The following TAF1B variants were observed in gnomAD, a reference collection of about 807,000 sequenced individuals.
TAF1B encodes TATA box-binding protein-associated factor RNA polymerase I subunit B.
TAF1B carries 61 observed loss-of-function variants against 83.9 expected under a neutral mutation model. The observed-to-expected ratio is 0.73, with a 90% CI of 0.59 to 0.90. The LOEUF (loss-of-function observed/expected upper bound fraction) is 0.90. TAF1B is among the 40% of genes least tolerant of loss of function. TAF1B has a pLI of 0.00. For missense variants in TAF1B, 625 were observed against 677.0 expected, an observed-to-expected ratio of 0.92 and a Z score of 0.85; for synonymous variants, 221 against 224.6, an observed-to-expected ratio of 0.98 and a Z score of 0.14.
intron 5 of TAF1B, among the ~76,000 whole-genome samples, chr2:9,857,046 TAAC>T (rs1305996158): frequency 2.6e-5 from 4 of 152,144 alleles, no homozygotes; most frequent in Non-Finnish European, 5.9e-5. Flanking sequence ...AGAAGCAAAT[TAAC>T]AAGCAAATAT....
chr2:9,865,880 C>A (rs1451409849), intron 5 of TAF1B, among the ~76,000 whole-genome samples: 2 of 150,862 alleles, frequency 1.3e-5, no homozygotes, highest in East Asian at 3.9e-4. Flanking sequence ...ACTGGCTAGC[C>A]ATATGTAGAA....
chr2:9,885,502 C>A (rs1160334117), intron 8 of TAF1B, among the ~76,000 whole-genome samples: 1 of 152,188 alleles, frequency 6.6e-6, no homozygotes, highest in Non-Finnish European at 1.5e-5. Context: ...ATTTTTACAG[C>A]AAAACTGGTT....
At chr2:9,856,414 A>T (rs539510727) in intron 5 of TAF1B, among the ~76,000 whole-genome samples, 1 of 152,310 alleles carries the variant, frequency 6.6e-6, no homozygotes, top group South Asian at 2.1e-4. Flanking sequence ...AATTTACTAG[A>T]AAAGATAATA....
At chr2:9,855,876 A>G (rs1253669152) in intron 5 of TAF1B, among the ~76,000 whole-genome samples, 6 of 152,218 alleles carry the variant, frequency 3.9e-5, no homozygotes, top group African/African-American at 1.4e-4. Context: ...AGTAAAAAAC[A>G]GTATGGTTGT....
chr2:9,882,580 G>T, intron 7 of TAF1B, 126 bp from the exon 8 acceptor site: 2 of 522,680 alleles, frequency 3.8e-6, no homozygotes, highest in Non-Finnish European at 6.5e-6. Context: ...CCTTAAAATC[G>T]TGGGAAATAG....
intron 14 of TAF1B, among the ~76,000 whole-genome samples, chr2:9,929,562 G>C (rs546431744): frequency 1.2e-4 from 19 of 152,306 alleles, no homozygotes; most frequent in Non-Finnish European, 2.2e-4. Context: ...TAAGCTTTTT[G>C]ATGTGCTGCT....
intron 12 of TAF1B, among the ~76,000 whole-genome samples, chr2:9,915,329 CT>C (rs944734468): frequency 2.4e-4 from 37 of 152,172 alleles, no homozygotes; most frequent in African/African-American, 8.4e-4. Context: ...AAGTAAGAAC[CT>C]CTGCTCCACA....
chr2:9,858,461 G>C (rs1237389010), intron 5 of TAF1B, among the ~76,000 whole-genome samples: 2 of 152,332 alleles, frequency 1.3e-5, no homozygotes, highest in African/African-American at 2.4e-5. Context: ...ACCATTCTGG[G>C]ATCTGCAAGA....
At chr2:9,845,525 G>C (rs1367836004) in intron 2 of TAF1B, 1 of 462,778 alleles carries the variant, frequency 2.2e-6, no homozygotes, top group Non-Finnish European at 3.9e-6. Flanking sequence ...AAATTATGTT[G>C]GGCCACATTT....
chr2:9,850,223 AC>A (rs1476008653), intron 3 of TAF1B, among the ~76,000 whole-genome samples: 1 of 152,126 alleles, frequency 6.6e-6, no homozygotes, highest in African/African-American at 2.4e-5. Context: ...GCCTTGACCT[AC>A]TTAAATAGTT....
At chr2:9,922,354 T>A (rs886739850) in intron 14 of TAF1B, among the ~76,000 whole-genome samples, 2 of 152,168 alleles carry the variant, frequency 1.3e-5, no homozygotes, top group Non-Finnish European at 2.9e-5. Flanking sequence ...GCTGTCACCC[T>A]ATGTTCAGAG....
intron 3 of TAF1B, 112 bp from the exon 4 acceptor site, chr2:9,851,429 A>T: frequency 1.2e-6 from 1 of 867,720 alleles, no homozygotes; most frequent in South Asian, 2.5e-5. Context: ...GGTTAATTGA[A>T]AAAAAAAGAA....
chr2:9,903,088 T>A (rs1665230480), intron 8 of TAF1B, among the ~76,000 whole-genome samples: 1 of 152,134 alleles, frequency 6.6e-6, no homozygotes, highest in African/African-American at 2.4e-5. Flanking sequence ...AAATTTTATT[T>A]TATTTTATTT....
intron 5 of TAF1B, among the ~76,000 whole-genome samples, chr2:9,859,700 G>A (rs1449047833): frequency 6.6e-6 from 1 of 152,100 alleles, no homozygotes; most frequent in African/African-American, 2.4e-5. Context: ...ACAGCATTTT[G>A]ATCACAATCA....
At chr2:9,913,899 G>T (rs1419011435) in intron 12 of TAF1B, among the ~76,000 whole-genome samples, 1 of 152,174 alleles carries the variant, frequency 6.6e-6, no homozygotes, top group Non-Finnish European at 1.5e-5. Context: ...GAGTCTCTTT[G>T]AGGCTTTGAA....
Position 9,882,870 on chromosome 2 carries a change from A to G in TAF1B, c.807+65A>G, listed in dbSNP as rs912741624. 3.8e-5 allele frequency: 45 copies of G among 1,176,772 alleles called. No individual in the cohort carries two copies. In the South Asian group the frequency reaches 4.6e-4, roughly 12 times the overall value. The allele number at this position is 1,176,772 out of a possible 1,614,324, so 72.9% of individuals were successfully genotyped here. ...GCACAAGAGTGGTATGATAATTTCT[A>G]TTTCTTGCTTGACTTATTATTTGGT... On this transcript the variant is annotated intron_variant, in intron 8 of 14. Transcript: ENST00000263663.
chr2:9,916,245 T>A (rs995295592), intron 12 of TAF1B, among the ~76,000 whole-genome samples: 2 of 152,210 alleles, frequency 1.3e-5, no homozygotes, highest in African/African-American at 2.4e-5. Flanking sequence ...AGGAAACATA[T>A]GCAGACAGAC....
chr2:9,872,652 G>C (rs1664202925), intron 6 of TAF1B, among the ~76,000 whole-genome samples: 2 of 152,174 alleles, frequency 1.3e-5, no homozygotes, highest in African/African-American at 4.8e-5. Context: ...TATAATTGTT[G>C]TAGCAGGAGA....
chr2:9,894,540 A>C (rs1019955791), intron 8 of TAF1B, among the ~76,000 whole-genome samples: 9 of 152,230 alleles, frequency 5.9e-5, no homozygotes, highest in African/African-American at 2.2e-4. Flanking sequence ...TGCTGAAACC[A>C]ACAGTGAATT....
Sources: gnomAD v4.1 joint callset for allele counts (sites outside exome capture counted in the v4.1 genomes callset) on GRCh38, gnomAD v4.1.1 for gene constraint, MANE v1.5 for transcripts, NCBI Gene and HGNC (gene_info 2026-07-23, HGNC 2026-07-21) for gene names.